Variants in MECOM observed in about 807,000 individuals in gnomAD.
MECOM encodes MDS1 and EVI1 complex locus.
In MECOM, 13 loss-of-function variants were observed where a neutral mutation model predicts 116.3. That is an observed-to-expected ratio of 0.11 (90% CI 0.07 to 0.18). MECOM has a LOEUF of 0.18. Among genes scored for constraint, MECOM ranks in the 10% least tolerant of loss-of-function variants. The pLI, the probability that MECOM is intolerant of heterozygous loss-of-function variation, is 1.00. For missense variants in MECOM, 1,299 were observed against 1,509.0 expected (o/e 0.86, Z 2.31); for synonymous variants, 528 against 535.2 (o/e 0.99, Z 0.19).
intron 1 of MECOM, among the ~76,000 whole-genome samples, chr3:169,452,127 A>G (rs1416085723): frequency 1.3e-5 from 2 of 151,978 alleles, no homozygotes; most frequent in East Asian, 3.9e-4. Flanking sequence ...ATAGACATCA[A>G]TCAATATTCT....
chr3:169,512,942 A>G (rs1756164674), intron 1 of MECOM, among the ~76,000 whole-genome samples: 1 of 152,234 alleles, frequency 6.6e-6, no homozygotes, highest in Admixed American at 6.5e-5. Flanking sequence ...CACAGACAGA[A>G]GCTCTGTACA....
chr3:169,124,139 C>T (rs372830722), intron 5 of MECOM, among the ~76,000 whole-genome samples: 4 of 151,870 alleles, frequency 2.6e-5, no homozygotes, highest in Admixed American at 6.6e-5. Flanking sequence ...TATGTGACTT[C>T]GGGTAGAAAT....
chr3:169,454,556 T>C (rs1005789690), intron 1 of MECOM, among the ~76,000 whole-genome samples: 12 of 152,168 alleles, frequency 7.9e-5, no homozygotes, highest in African/African-American at 2.9e-4. Context: ...TGGAGAAAGT[T>C]TTAAGACAGA....
chr3:169,181,815 G>A (rs931997136), intron 2 of MECOM, among the ~76,000 whole-genome samples: 12 of 152,104 alleles, frequency 7.9e-5, no homozygotes, highest in South Asian at 4.1e-4. Context: ...GGAGTCAGGC[G>A]AACTTGGATT....
At chr3:169,396,643 C>T (rs1011425304) in intron 1 of MECOM, among the ~76,000 whole-genome samples, 1 of 152,098 alleles carries the variant, frequency 6.6e-6, no homozygotes, top group African/African-American at 2.4e-5. Context: ...CATAAGACAA[C>T]ACTGGTTTTC....
chr3:169,428,768 C>A (rs1019246349), intron 1 of MECOM, among the ~76,000 whole-genome samples: 1 of 152,028 alleles, frequency 6.6e-6, no homozygotes, highest in Non-Finnish European at 1.5e-5. Context: ...TTCAGACCAA[C>A]AAACTAAAAG....
intron 12 of MECOM, among the ~76,000 whole-genome samples, chr3:169,098,994 A>G (rs1264601252): frequency 6.6e-6 from 1 of 152,058 alleles, no homozygotes; most frequent in East Asian, 1.9e-4. Flanking sequence ...CTAGTTCACT[A>G]TATCCACTCA....
chr3:169,662,646 AGCGCC>A (rs1288841856), intron 1 of MECOM, among the ~76,000 whole-genome samples: 2 of 121,602 alleles, frequency 1.6e-5, no homozygotes, highest in Admixed American at 2.0e-4. Flanking sequence ...CCCGCCGCGC[AGCGCC>A]GCGCCGGAGA....
intron 1 of MECOM, among the ~76,000 whole-genome samples, chr3:169,433,043 C>T (rs1333532672): frequency 1.3e-5 from 2 of 152,200 alleles, no homozygotes; most frequent in East Asian, 3.8e-4. Context: ...GTAAACTCAA[C>T]ATTTTTCTTT....
chr3:169,464,214 C>T (rs1384079641), intron 1 of MECOM: 3 of 152,156 alleles, frequency 2.0e-5, no homozygotes, highest in East Asian at 3.8e-4. Context: ...TGGAGTTTTG[C>T]TAACATTTCC....
At chr3:169,479,652 TAAAAAAA>T (rs3042768) in intron 1 of MECOM, among the ~76,000 whole-genome samples, 10 of 126,666 alleles carry the variant, frequency 7.9e-5, no homozygotes, top group East Asian at 5.0e-4. Context: ...TTCTCTTACC[TAAAAAAA>T]AAAAAAAAAA....
intron 2 of MECOM, among the ~76,000 whole-genome samples, chr3:169,209,131 T>G (rs1750362414): frequency 6.6e-6 from 1 of 152,214 alleles, no homozygotes. Flanking sequence ...CTGGAAAATC[T>G]GGCTAGCCAT....
chr3:169,492,631 T>G (rs1753231262), intron 1 of MECOM, among the ~76,000 whole-genome samples: 1 of 152,178 alleles, frequency 6.6e-6, no homozygotes, highest in African/African-American at 2.4e-5. Context: ...AATACTGTTA[T>G]TAAAGAAATA....
Position 169,576,840 on chromosome 3 carries a change from G to C in MECOM, c.37+86496C>G, listed in dbSNP as rs4955570. Among the ~76,000 whole-genome samples, 455 of 121,218 alleles carry C rather than the reference G, an allele frequency of 3.8e-3. 2 individuals are homozygous for C. Among genetic ancestry groups the C allele is most frequent in the East Asian group, 8.2e-3 (18 of 2,200 alleles). The allele number at this position is 121,218 out of a possible 152,430, so 79.5% of individuals were successfully genotyped here. A position where few individuals can be genotyped will look rare whatever the true frequency, so the allele number is the denominator to read the frequency against. ...ACACACACACACACACACACACACA[G>C]AGAGAGAGAGAGAGAGTTAAGAGTG... On this transcript the variant is annotated intron_variant, in intron 1 of 16. Transcript: ENST00000651503.
intron 2 of MECOM, among the ~76,000 whole-genome samples, chr3:169,269,922 T>C (rs1758729240): frequency 6.6e-6 from 1 of 152,100 alleles, no homozygotes; most frequent in Admixed American, 6.6e-5. Flanking sequence ...ATAGAAATAT[T>C]TTTGTTCAAA....
At chr3:169,149,089 T>C (rs2149319043) in intron 2 of MECOM, among the ~76,000 whole-genome samples, 1 of 151,712 alleles carries the variant, frequency 6.6e-6, no homozygotes, top group Non-Finnish European at 1.5e-5. Context: ...TTTTTTTTTT[T>C]TTTTTTTTAA....
intron 2 of MECOM, among the ~76,000 whole-genome samples, chr3:169,316,160 C>T (rs1380448255): frequency 6.6e-6 from 1 of 152,214 alleles, no homozygotes; most frequent in Non-Finnish European, 1.5e-5. Flanking sequence ...GGGCTAAAAG[C>T]CATGGATGGC....
chr3:169,092,994 T>C lies in MECOM; in HGVS notation c.3128A>G (p.Asn1043Ser). 2 of 1,613,836 alleles carry C rather than the reference T, an allele frequency of 1.2e-6. No homozygotes were observed. The highest frequency in any genetic ancestry group is 1.7e-6 in the Non-Finnish European group (2 of 1,179,792). ...TEIRNFIGNS[N>S]HGSQSPRNVE... ...ATTCCTGGGAGATTGGCTGCCATGGTTGCTGTTCCCAATGAAATTTCGAAT... is the reference window on the plus strand; with the variant it reads ...ATTCCTGGGAGATTGGCTGCCATGGCTGCTGTTCCCAATGAAATTTCGAAT... The change falls in exon 14 of 17, where the codon AAC becomes AGC. Residue 1043 changes from asparagine to serine, a missense_variant. By Grantham distance (46) the Asn-to-Ser change is conservative (BLOSUM62 1). Transcript: ENST00000651503.
chr3:169,518,207 C>T (rs139316622), intron 1 of MECOM, among the ~76,000 whole-genome samples: 8,407 of 151,156 alleles, frequency 0.056, 414 homozygotes, highest in East Asian at 0.3. Flanking sequence ...TGCAGTGAGC[C>T]GAGATCGCAC....
Sources: gnomAD v4.1 joint callset for allele counts (sites outside exome capture counted in the v4.1 genomes callset) on GRCh38, gnomAD v4.1.1 for gene constraint, MANE v1.5 for transcripts, NCBI Gene and HGNC (gene_info 2026-07-23, HGNC 2026-07-21) for gene names.